GNG7: variants seen among roughly 807,000 people sequenced by gnomAD.
The protein encoded by GNG7 is guanine nucleotide-binding protein G(I)/G(S)/G(O) subunit gamma-7.
A neutral mutation model predicts 4.0 loss-of-function variants in GNG7; 1 was observed. The observed-to-expected ratio is 0.25, with a 90% CI of 0.09 to 1.18. The LOEUF (loss-of-function observed/expected upper bound fraction) is 1.18, where lower values mean the gene tolerates loss of function less well. GNG7 is among the 50% of genes most tolerant of loss of function. The probability of loss-of-function intolerance (pLI) is 0.50; values close to 1 mark genes in which losing one functional copy is unlikely to be tolerated. For missense variants in GNG7, 86 were observed against 91.9 expected (o/e 0.94, Z 0.26); for synonymous variants, 34 against 36.9 (o/e 0.92, Z 0.29).
intron 2 of GNG7, among the ~76,000 whole-genome samples, chr19:2,631,465 T>C (rs563131903): frequency 6.6e-6 from 1 of 152,334 alleles, no homozygotes; most frequent in East Asian, 1.9e-4. Context: ...TCTGTCCTTG[T>C]AGTATGAAAG....
intron 3 of GNG7, among the ~76,000 whole-genome samples, chr19:2,524,150 G>A (rs1425118824): frequency 6.6e-6 from 1 of 152,210 alleles, no homozygotes; most frequent in Non-Finnish European, 1.5e-5. Context: ...CCACAGTCAG[G>A]AGTGTCCACC....
intron 2 of GNG7, among the ~76,000 whole-genome samples, chr19:2,627,978 G>T (rs1360227271): frequency 6.6e-6 from 1 of 152,198 alleles, no homozygotes; most frequent in African/African-American, 2.4e-5. Context: ...TCCGGCCCAG[G>T]TGACAGGCAC....
intron 1 of GNG7, among the ~76,000 whole-genome samples, chr19:2,695,418 C>T (rs983079559): frequency 6.6e-6 from 1 of 152,190 alleles, no homozygotes; most frequent in East Asian, 1.9e-4. Flanking sequence ...GGCCCCCACA[C>T]CAGCACACAG....
intron 2 of GNG7, among the ~76,000 whole-genome samples, chr19:2,635,653 G>A (rs1353068440): frequency 1.3e-5 from 2 of 151,220 alleles, no homozygotes; most frequent in Non-Finnish European, 2.9e-5. Flanking sequence ...TGCAATCTCG[G>A]CTCACTGCAA....
At chr19:2,698,466 A>C (rs1372863972) in intron 1 of GNG7, among the ~76,000 whole-genome samples, 1 of 151,926 alleles carries the variant, frequency 6.6e-6, no homozygotes, top group Non-Finnish European at 1.5e-5. Context: ...CGAGAGGATG[A>C]GGCAGAAGAA....
intron 2 of GNG7, chr19:2,642,413 T>C (rs1317292216): frequency 3.6e-6 from 1 of 280,782 alleles, no homozygotes; most frequent in Non-Finnish European, 6.9e-6. Context: ...TTGCCCAGGT[T>C]GGAGTGCAGT....
At chr19:2,632,322 G>A (rs112018059) in intron 2 of GNG7, among the ~76,000 whole-genome samples, 7 of 152,020 alleles carry the variant, frequency 4.6e-5, no homozygotes, top group Non-Finnish European at 8.8e-5. Context: ...CCAGCTACTT[G>A]GGAGGCTGAG....
At chr19:2,625,697 G>A (rs1982002861) in intron 2 of GNG7, among the ~76,000 whole-genome samples, 1 of 152,230 alleles carries the variant, frequency 6.6e-6, no homozygotes, top group Admixed American at 6.5e-5. Flanking sequence ...GAGGAGATGA[G>A]GGTGTGAGAG....
At chr19:2,564,547 C>T (rs1363347407) in intron 2 of GNG7, among the ~76,000 whole-genome samples, 1 of 152,160 alleles carries the variant, frequency 6.6e-6, no homozygotes, top group Non-Finnish European at 1.5e-5. Flanking sequence ...GCACTCCAGC[C>T]TGGGTGACAG....
chr19:2,586,639 G>A lies in GNG7; in HGVS notation c.-77-31451C>T, dbSNP rs192452510. Among the ~76,000 whole-genome samples, 6 of 152,304 alleles carry A rather than the reference G, an allele frequency of 3.9e-5. No individual in the cohort carries two copies. The East Asian group carries it at 7.7e-4, about 20-fold the overall frequency. On this transcript the variant is annotated intron_variant, in intron 2 of 4. Transcript: ENST00000382159. ...GAAGGTAGAATTTACACACACGCAC[G>A]CAAGCATCCCTCAATGGGAACTCAC... is the stretch of plus-strand genomic sequence containing the variant.
chr19:2,659,234 C>G (rs565491794), intron 1 of GNG7, among the ~76,000 whole-genome samples: 40 of 151,556 alleles, frequency 2.6e-4, no homozygotes, highest in East Asian at 7.9e-4. Context: ...CTCCCAAAGT[C>G]CTGGGATGAC....
intron 3 of GNG7, among the ~76,000 whole-genome samples, chr19:2,527,107 G>C (rs1476561396): frequency 1.3e-5 from 2 of 152,198 alleles, no homozygotes; most frequent in Non-Finnish European, 2.9e-5. Flanking sequence ...GCCTCCCAAA[G>C]TGCTGGGATT....
chr19:2,657,361 A>AAAAAATATATAT (rs1555701153), intron 1 of GNG7, among the ~76,000 whole-genome samples: 1 of 16,330 alleles, frequency 6.1e-5, no homozygotes, highest in African/African-American at 2.9e-4. Context: ...AAAAAAAAAA[A>AAAAAATATATAT]ATATATATAT....
Position 2,513,499 on chromosome 19 carries a change from T to G in GNG7, c.*1523A>C. On this transcript the variant is annotated 3_prime_UTR_variant, in exon 5 of 5. Coordinates refer to ENST00000382159, the MANE Select transcript of GNG7 (RefSeq NM_052847.3). ...GTCCGTGCCGCAGAGGAGGACGCAG[T>G]CATCTTTCAGAAGCCTCCCCCCGAC... 2.0e-6 allele frequency: 2 copies of G among 985,404 alleles called. No homozygotes were observed. Among genetic ancestry groups the G allele is most frequent in the Non-Finnish European group, 2.4e-6 (2 of 829,934 alleles). The allele number at this position is 985,404 out of a possible 1,614,324, so 61.0% of individuals were successfully genotyped here.
intron 1 of GNG7, among the ~76,000 whole-genome samples, chr19:2,690,086 C>T (rs569141732): frequency 1.3e-5 from 2 of 151,834 alleles, no homozygotes; most frequent in Non-Finnish European, 2.9e-5. Flanking sequence ...TTTTTCCAAC[C>T]ATTTAAAAAT....
At chr19:2,518,112 A>G (rs779824173) in intron 4 of GNG7, among the ~76,000 whole-genome samples, 1 of 152,092 alleles carries the variant, frequency 6.6e-6, no homozygotes, top group Non-Finnish European at 1.5e-5. Context: ...ACCACCCCCC[A>G]TGCCCACTGC....
At chr19:2,551,703 A>T (rs1979339125) in intron 3 of GNG7, among the ~76,000 whole-genome samples, 1 of 99,566 alleles carries the variant, frequency 1.0e-5, no homozygotes, top group African/African-American at 4.4e-5. Context: ...ACATATTTTG[A>T]GACAGAGTCT....
chr19:2,679,038 A>G (rs1568282770), intron 1 of GNG7, among the ~76,000 whole-genome samples: 2 of 152,126 alleles, frequency 1.3e-5, no homozygotes, highest in South Asian at 4.1e-4. Flanking sequence ...ATAACAACAT[A>G]AGTAACATAT....
In GNG7 at chr19:2,611,046, G is replaced by C. The variant is rs1397370054; in HGVS notation, c.-78+35178C>G. 2.0e-5 allele frequency: 3 copies of C among 151,710 alleles called. No homozygotes were observed. Among genetic ancestry groups the C allele is most frequent in the Admixed American group, 2.0e-4 (3 of 15,242 alleles). 9.4% of individuals were successfully genotyped at this position (151,710 alleles called of 1,614,324 possible). ...CCTCAACATTCTCAGAAAGGACCAC[G>C]CCCGGCACCGGCCTTGGATGGCTTC... On this transcript the variant is annotated intron_variant, in intron 2 of 4. Coordinates refer to ENST00000382159, the MANE Select transcript of GNG7 (RefSeq NM_052847.3). This position sits in a 1 kb window ranked among gnomAD's most constrained non-coding sequence, Gnocchi z 6.0.
Sources: gnomAD v4.1 joint callset for allele counts (sites outside exome capture counted in the v4.1 genomes callset) on GRCh38, gnomAD v4.1.1 for gene constraint, Gnocchi (gnomAD v3.1) non-coding constraint, MANE v1.5 for transcripts, NCBI Gene and HGNC (gene_info 2026-07-23, HGNC 2026-07-21) for gene names.